Variants in NCKAP5 observed in about 807,000 individuals in gnomAD.
NCKAP5 encodes the protein nck-associated protein 5.
Under a neutral mutation model 167.0 loss-of-function variants are expected in NCKAP5, and 92 were observed. The observed-to-expected ratio is 0.55, with a 90% confidence interval of 0.47 to 0.66. The LOEUF is 0.66. NCKAP5 is among the 30% of genes least tolerant of loss of function. NCKAP5 has a pLI of 0.00. For missense variants in NCKAP5, 2,378 were observed against 2,315.0 expected, an observed-to-expected ratio of 1.03 and a Z score of -0.56; for synonymous variants, 891 against 877.4, an observed-to-expected ratio of 1.02 and a Z score of -0.27.
At position 133,131,967 on chromosome 2, in the gene NCKAP5, C is replaced by CAA. The variant is rs3051214; in HGVS notation, c.208-1858_208-1857dup. On this transcript the variant is annotated intron_variant, in intron 5 of 19. Coordinates refer to ENST00000409261, the MANE Select transcript of NCKAP5 (RefSeq NM_207363.3). ...TAGTGCTTCGATTCCAGAAACAGGC[C>CAA]AAAAAAAAAATGTACGCTAAATAGT... 8.1e-3 allele frequency among the ~76,000 whole-genome samples: 1,204 copies of CAA among 148,258 alleles called. 9 individuals carry two copies. Among genetic ancestry groups the CAA allele is most frequent in the African/African-American group, 0.027 (1,097 of 40,450 alleles).
Position 133,560,167 on chromosome 2 carries a change from T to C in NCKAP5, c.-129-1050A>G, listed in dbSNP as rs185484448. ...GCATTTTGACTGCATGAGATTTGAA[T>C]GCCATCAGATGAGGTATAAACATGA... is the stretch of plus-strand genomic sequence containing the variant. On this transcript the variant is annotated intron_variant, in intron 1 of 19. Transcript: ENST00000409261. 8.2e-4 allele frequency among the ~76,000 whole-genome samples: 125 copies of C among 152,330 alleles called. 2 individuals are homozygous for C. The highest frequency in any genetic ancestry group is 3.0e-3 in the African/African-American group (123 of 41,586).
chr2:133,476,421 G>A lies in NCKAP5; in HGVS notation c.69+41037C>T, dbSNP rs116701344. Among the ~76,000 whole-genome samples the A allele has an allele frequency of 4.6e-3, 699 of 152,214 alleles. 5 individuals carry two copies. The highest frequency in any genetic ancestry group is 0.016 in the African/African-American group (680 of 41,524). ...AACCAAGGTTCATCAATTCTAATCG[G>A]GCTGCCCTCGCATTGGAGAGGCCCA... On this transcript the variant is annotated intron_variant, in intron 3 of 19. Transcript: ENST00000409261.
chr2:132,687,752 CA>C (rs1409109535), intron 19 of NCKAP5, among the ~76,000 whole-genome samples: 122 of 150,384 alleles, frequency 8.1e-4, no homozygotes, highest in Non-Finnish European at 1.1e-3. Context: ...CACACACACA[CA>C]CACCCTTCCT....
the NCKAP5 span, among the ~76,000 whole-genome samples, chr2:133,670,935 G>A: frequency 6.6e-6 from 1 of 152,128 alleles, no homozygotes; most frequent in African/African-American, 2.4e-5. Context: ...CAAAGATGAG[G>A]CCAGGCGCAG....
intron 3 of NCKAP5, among the ~76,000 whole-genome samples, chr2:133,499,599 G>A (rs905722429): frequency 3.3e-5 from 5 of 151,972 alleles, no homozygotes; most frequent in Non-Finnish European, 4.4e-5. Flanking sequence ...TAGCTCTGTC[G>A]CCCAGGTTGG....
chr2:133,095,158 G>C (rs1168207454), intron 6 of NCKAP5, among the ~76,000 whole-genome samples: 1 of 152,112 alleles, frequency 6.6e-6, no homozygotes, highest in Non-Finnish European at 1.5e-5. Context: ...AGGTAAATTT[G>C]TGGTAAACTG....
At chr2:133,002,423 C>G (rs1183364472) in intron 6 of NCKAP5, among the ~76,000 whole-genome samples, 2 of 152,152 alleles carry the variant, frequency 1.3e-5, no homozygotes, top group Non-Finnish European at 2.9e-5. Context: ...TAAATGTGGT[C>G]TCTCCCTCTC....
intron 7 of NCKAP5, among the ~76,000 whole-genome samples, chr2:132,964,503 A>G (rs539578626): frequency 4.4e-4 from 67 of 152,224 alleles, no homozygotes; most frequent in African/African-American, 1.5e-3. Context: ...CCCTCACTCA[A>G]CCTTGTCTCT....
chr2:133,653,230 A>G, the NCKAP5 span, among the ~76,000 whole-genome samples: 8 of 152,162 alleles, frequency 5.3e-5, no homozygotes, highest in African/African-American at 1.9e-4. Flanking sequence ...AACTCCACTT[A>G]ATCTTCTCTT....
intron 8 of NCKAP5, among the ~76,000 whole-genome samples, chr2:132,936,500 T>C (rs1234401378): frequency 6.6e-6 from 1 of 152,228 alleles, no homozygotes; most frequent in African/African-American, 2.4e-5. Flanking sequence ...TCCATGTGGC[T>C]GCACAAGGGG....
At chr2:133,224,664 C>A (rs774464017) in intron 4 of NCKAP5, among the ~76,000 whole-genome samples, 25 of 152,110 alleles carry the variant, frequency 1.6e-4, no homozygotes, top group Non-Finnish European at 2.5e-4. Flanking sequence ...GTTGGAAGAG[C>A]CTGAATTTAG....
At chr2:133,590,256 C>T in the NCKAP5 span, among the ~76,000 whole-genome samples, 25 of 151,916 alleles carry the variant, frequency 1.6e-4, no homozygotes, top group African/African-American at 4.8e-4. Context: ...TTTGGGAGGC[C>T]GAGGTGGGCA....
rs1185487004 is a variant in NCKAP5, at chr2:132,785,525, C to A, written c.1286G>T (p.Cys429Phe). 3 of 1,609,960 alleles carry A rather than the reference C, an allele frequency of 1.9e-6. No individual in the cohort carries two copies. The highest frequency in any genetic ancestry group is 2.2e-5 in the East Asian group (1 of 44,846). Residue 429 changes from cysteine (C) to phenylalanine (F), a missense_variant, in exon 14 of 20, where the codon TGC (cysteine) becomes TTC (phenylalanine). Cys to Phe is a radical substitution (Grantham distance 205, BLOSUM62 -2). This residue lies in a region of NCKAP5 where 1,049 missense variants were observed against 1,023.4 expected (regional missense o/e 1.02). Transcript: ENST00000409261. ...SVITKWGYKD[C>F]MNSNEGIYSP... ...ATATATTCCTTCATTCGAGTTCATGCAATCTTTATAACCCCATTTGGTTAT... is the reference window on the plus strand; with the variant it reads ...ATATATTCCTTCATTCGAGTTCATGAAATCTTTATAACCCCATTTGGTTAT...
At chr2:133,542,159 A>C (rs1191651440) in intron 2 of NCKAP5, among the ~76,000 whole-genome samples, 1 of 152,196 alleles carries the variant, frequency 6.6e-6, no homozygotes, top group African/African-American at 2.4e-5. Flanking sequence ...AAACATAGAA[A>C]AGCTGTTCAT....
intron 8 of NCKAP5, among the ~76,000 whole-genome samples, chr2:132,883,403 G>C (rs1015332624): frequency 1.3e-5 from 2 of 152,018 alleles, no homozygotes; most frequent in African/African-American, 4.8e-5. Flanking sequence ...CCCTTGGTTT[G>C]GTCTCCTTAA....
intron 11 of NCKAP5, among the ~76,000 whole-genome samples, chr2:132,824,794 G>A (rs1687008338): frequency 6.6e-6 from 1 of 152,168 alleles, no homozygotes; most frequent in Admixed American, 6.5e-5. Flanking sequence ...CCTAGTGACT[G>A]GCAATGTTTG....
At chr2:133,520,495 T>C (rs946590823) in intron 2 of NCKAP5, among the ~76,000 whole-genome samples, 1 of 152,208 alleles carries the variant, frequency 6.6e-6, no homozygotes, top group African/African-American at 2.4e-5. Context: ...GGTTTTCTGA[T>C]GATTAATGAG....
intron 3 of NCKAP5, among the ~76,000 whole-genome samples, chr2:133,376,528 C>T (rs893516638): frequency 6.6e-6 from 1 of 152,196 alleles, no homozygotes; most frequent in Admixed American, 6.5e-5. Flanking sequence ...TCAACTTTCA[C>T]TGAGACCGTG....
At chr2:132,789,377 T>A (rs1683863302) in intron 13 of NCKAP5, among the ~76,000 whole-genome samples, 1 of 152,112 alleles carries the variant, frequency 6.6e-6, no homozygotes, top group Admixed American at 6.5e-5. Flanking sequence ...GAAGTCTGAG[T>A]CCCAGGGAAT....
Sources: allele counts gnomAD v4.1 joint callset (sites outside exome capture counted in the v4.1 genomes callset), GRCh38; gene constraint gnomAD v4.1.1; regional missense constraint gnomAD v4.1.1; transcripts MANE v1.5; gene names NCBI Gene and HGNC (gene_info 2026-07-23, HGNC 2026-07-21).